Variants in CDK6 observed in about 807,000 individuals in gnomAD.
CDK6 encodes cyclin-dependent kinase 6.
Under a neutral mutation model 37.1 loss-of-function variants are expected in CDK6, and 6 were observed. That is an observed-to-expected ratio of 0.16 (90% confidence interval 0.09 to 0.32). The LOEUF (loss-of-function observed/expected upper bound fraction) is 0.32, where lower values mean the gene tolerates loss of function less well. CDK6 is among the 10% of genes least tolerant of loss of function. The pLI is 1.00. For synonymous variants in CDK6, 160 were observed against 161.3 expected (o/e 0.99, Z 0.06); for missense variants, 224 against 418.9 (o/e 0.53, Z 4.06).
chr7:92,804,520 T>A (rs1800671485), intron 2 of CDK6, among the ~76,000 whole-genome samples: 1 of 152,210 alleles, frequency 6.6e-6, no homozygotes, highest in Admixed American at 6.5e-5. Flanking sequence ...GGTTTTCCTC[T>A]TCTTGCCTAT....
At chr7:92,710,456 C>G (rs575969708) in intron 4 of CDK6, among the ~76,000 whole-genome samples, 2 of 152,218 alleles carry the variant, frequency 1.3e-5, no homozygotes, top group African/African-American at 4.8e-5. Context: ...TGGTATTTTC[C>G]CAATATTCGG....
At chr7:92,672,158 T>TATATATATATATATATACAC (rs1254710727) in intron 4 of CDK6, among the ~76,000 whole-genome samples, 18 of 102,724 alleles carry the variant, frequency 1.8e-4, no homozygotes, top group South Asian at 3.8e-4. Flanking sequence ...TATATATATA[T>TATATATATATATATATACAC]ATACACATAC....
At chr7:92,675,583 GTTAAT>G (rs1289871665) in intron 4 of CDK6, among the ~76,000 whole-genome samples, 2 of 151,974 alleles carry the variant, frequency 1.3e-5, no homozygotes, top group Non-Finnish European at 2.9e-5. Flanking sequence ...TCTTTTTTGT[GTTAAT>G]TTTTCATGTT....
intron 3 of CDK6, among the ~76,000 whole-genome samples, chr7:92,748,648 G>A (rs1160196347): frequency 6.6e-6 from 1 of 152,146 alleles, no homozygotes; most frequent in Non-Finnish European, 1.5e-5. Context: ...TAGTAACCAG[G>A]TGTCTTGTTG....
chr7:92,620,577 G>A (rs1795786021), intron 6 of CDK6, among the ~76,000 whole-genome samples: 1 of 152,140 alleles, frequency 6.6e-6, no homozygotes, highest in Admixed American at 6.5e-5. Context: ...ATTACTTGAA[G>A]GCTTAAATCT....
At chr7:92,625,250 AC>A (rs1795898930) in intron 5 of CDK6, among the ~76,000 whole-genome samples, 1 of 151,416 alleles carries the variant, frequency 6.6e-6, no homozygotes, top group Non-Finnish European at 1.5e-5. Flanking sequence ...ACACACACAC[AC>A]ACACACACCT....
At chr7:92,616,830 A>G (rs1289169959) in intron 7 of CDK6, among the ~76,000 whole-genome samples, 1 of 152,210 alleles carries the variant, frequency 6.6e-6, no homozygotes, top group Admixed American at 6.5e-5. Flanking sequence ...AGAACACCTT[A>G]GCCAAATGTG....
intron 2 of CDK6, among the ~76,000 whole-genome samples, chr7:92,778,286 T>C (rs41461052): frequency 0.097 from 14,713 of 152,164 alleles, 924 homozygotes; most frequent in South Asian, 0.29. Flanking sequence ...CCAGAATCCA[T>C]TGAAAATTTT....
At chr7:92,767,319 T>G (rs79276519) in intron 3 of CDK6, among the ~76,000 whole-genome samples, 18 of 152,216 alleles carry the variant, frequency 1.2e-4, no homozygotes, top group African/African-American at 3.6e-4. Context: ...CTTTAAGAAG[T>G]TGCTTGAGTT....
chr7:92,741,097 A>C (rs1798914850), intron 3 of CDK6, among the ~76,000 whole-genome samples: 1 of 152,226 alleles, frequency 6.6e-6, no homozygotes, highest in Non-Finnish European at 1.5e-5. Flanking sequence ...CCACAATTAG[A>C]GGAATAGTTA....
chr7:92,650,708 T>G (rs1157232288), intron 5 of CDK6, among the ~76,000 whole-genome samples: 1 of 151,374 alleles, frequency 6.6e-6, no homozygotes, highest in South Asian at 2.1e-4. Context: ...TCTGATGTGG[T>G]TGTAAGACTG....
At chr7:92,639,731 C>T (rs1485341901) in intron 5 of CDK6, among the ~76,000 whole-genome samples, 2 of 152,176 alleles carry the variant, frequency 1.3e-5, no homozygotes, top group Non-Finnish European at 2.9e-5. Context: ...ACCACAGCCT[C>T]TATTCCTCCT....
At position 92,835,812 on chromosome 7, in the gene CDK6, G is replaced by A. The variant is rs890691773; in HGVS notation, c.-368+666C>T. Among the ~76,000 whole-genome samples the A allele has an allele frequency of 1.3e-5, 2 of 152,212 alleles. No individual in the cohort carries two copies. The highest frequency in any genetic ancestry group is 6.5e-5 in the Admixed American group (1 of 15,278). ...TGCGGGGACCAGGGCTGCTCACTGC[G>A]GGGCGTGTGTTTAACTCCAATATTT... On this transcript the variant is annotated intron_variant, in intron 1 of 7. Transcript: ENST00000424848. This position sits in a 1 kb window ranked among gnomAD's most constrained non-coding sequence, Gnocchi z 4.2.
intron 4 of CDK6, among the ~76,000 whole-genome samples, chr7:92,695,282 A>AAAAAGAAAG (rs1554403912): frequency 9.6e-4 from 144 of 149,976 alleles, no homozygotes; most frequent in African/African-American, 3.5e-3. Context: ...AAAAAAAAAA[A>AAAAAGAAAG]AAAGAAAGAA....
At chr7:92,686,971 T>G (rs1230405805) in intron 4 of CDK6, among the ~76,000 whole-genome samples, 1 of 152,168 alleles carries the variant, frequency 6.6e-6, no homozygotes, top group Non-Finnish European at 1.5e-5. Context: ...AAAGGAATGT[T>G]TGTGGTTTTT....
chr7:92,813,412 T>G (rs927866369), intron 2 of CDK6, among the ~76,000 whole-genome samples: 1 of 152,212 alleles, frequency 6.6e-6, no homozygotes, highest in African/African-American at 2.4e-5. Flanking sequence ...CATATCTAAG[T>G]GCAATGAGTA....
intron 4 of CDK6, among the ~76,000 whole-genome samples, chr7:92,673,949 T>G (rs1340841577): frequency 6.6e-6 from 1 of 152,038 alleles, no homozygotes; most frequent in Non-Finnish European, 1.5e-5. Context: ...GGCTAATTTT[T>G]TTTGTATTTT....
intron 3 of CDK6, among the ~76,000 whole-genome samples, chr7:92,729,326 C>G (rs1798588383): frequency 6.6e-6 from 1 of 152,184 alleles, no homozygotes. Context: ...TGCAATGAAA[C>G]TACAGATACC....
chr7:92,690,455 T>C (rs1478340709), intron 4 of CDK6, among the ~76,000 whole-genome samples: 1 of 152,240 alleles, frequency 6.6e-6, no homozygotes, highest in African/African-American at 2.4e-5. Flanking sequence ...TTCTGGGCTC[T>C]CTATTCTGTT....
Sources: allele counts gnomAD v4.1 joint callset (sites outside exome capture counted in the v4.1 genomes callset), GRCh38; gene constraint gnomAD v4.1.1; non-coding constraint Gnocchi (gnomAD v3.1); transcripts MANE v1.5; gene names NCBI Gene and HGNC (gene_info 2026-07-23, HGNC 2026-07-21).